The following PCBP2 variants were observed in gnomAD, a reference collection of about 807,000 sequenced individuals.
The protein encoded by PCBP2 is poly(rC)-binding protein 2.
In PCBP2, 4 loss-of-function variants were observed where a neutral mutation model predicts 50.1. That is an observed-to-expected ratio of 0.08 (90% CI 0.04 to 0.18). The LOEUF is 0.18. Ranked by LOEUF, PCBP2 falls within the 10% of genes least tolerant of loss-of-function variation. The pLI, the probability that PCBP2 is intolerant of heterozygous loss-of-function variation, is 1.00. For missense variants in PCBP2, 161 were observed against 474.3 expected (o/e 0.34, Z 6.14); for synonymous variants, 179 against 168.0 (o/e 1.07, Z -0.51).
chr12:53,477,162 C>G (rs1942643344), intron 14 of PCBP2, among the ~76,000 whole-genome samples: 1 of 152,152 alleles, frequency 6.6e-6, no homozygotes, highest in African/African-American at 2.4e-5. Flanking sequence ...GATACACATT[C>G]AGAACATTTC....
chr12:53,473,482 T>C (rs1942370615), intron 14 of PCBP2, among the ~76,000 whole-genome samples: 1 of 152,250 alleles, frequency 6.6e-6, no homozygotes, highest in Non-Finnish European at 1.5e-5. Flanking sequence ...TTTTGTTCTT[T>C]CGATAGGCTT....
chr12:53,471,271 C>G (rs1942213542), intron 13 of PCBP2, among the ~76,000 whole-genome samples: 1 of 151,450 alleles, frequency 6.6e-6, no homozygotes, highest in African/African-American at 2.4e-5. Flanking sequence ...ATAGCGAGAC[C>G]CTCGGTTTTT....
At chr12:53,478,041 C>A (rs917547520) in intron 14 of PCBP2, among the ~76,000 whole-genome samples, 1 of 152,126 alleles carries the variant, frequency 6.6e-6, no homozygotes, top group East Asian at 1.9e-4. Flanking sequence ...CCCTGAAAGC[C>A]CTAAATTGGA....
At position 53,471,733 on chromosome 12, in the gene PCBP2, A is replaced by T. The variant is rs762810406; in HGVS notation, c.978A>T (p.Gly326=). The change falls in exon 14 of 15, where the codon GGA becomes GGT. Residue 326 remains glycine (G), a synonymous_variant. Coordinates refer to ENST00000546463, the MANE Select transcript of PCBP2 (RefSeq NM_031989.5). ...TCAAAATTGCGAACCCAGTGGAAGG[A>T]TCTACTGATAGGCAGGTTACCATCA... ...AQIKIANPVE[G]STDRQVTITG... 6.2e-6 allele frequency: 10 copies of T among 1,613,590 alleles called. No homozygotes were observed. The highest frequency in any genetic ancestry group is 3.3e-5 in the Admixed American group (2 of 59,994).
chr12:53,468,604 T>C (rs1221429945), intron 12 of PCBP2, 173 bp from the exon 13 acceptor site: 20 of 610,108 alleles, frequency 3.3e-5, no homozygotes, highest in Non-Finnish European at 5.6e-5. Context: ...GAGCATTATT[T>C]CTACACCCTT....
chr12:53,459,066 C>A (rs1208261402), intron 5 of PCBP2, among the ~76,000 whole-genome samples: 1 of 151,982 alleles, frequency 6.6e-6, no homozygotes, highest in African/African-American at 2.4e-5. Context: ...ATATTTATGG[C>A]TAATTTTGAG....
Position 53,457,484 on chromosome 12 carries a change from C to A in PCBP2, c.243+1483C>A, listed in dbSNP as rs117222813. Among the ~76,000 whole-genome samples, 164 of 152,074 alleles carry A rather than the reference C, an allele frequency of 1.1e-3. 2 individuals are homozygous for A. The East Asian group carries it at 0.027, about 25-fold the overall frequency. The stretch of plus-strand genomic sequence containing the variant: ...CCTAAGCCTACCCAGTAGGTGGGAC[C>A]ACAGGCTTGAACCACCATGTCTGGC... On this transcript the variant is annotated intron_variant, in intron 5 of 14. Coordinates refer to ENST00000546463, the MANE Select transcript of PCBP2 (RefSeq NM_031989.5).
chr12:53,454,797 C>G lies in PCBP2; in HGVS notation c.-4C>G, dbSNP rs769275297. The stretch of plus-strand genomic sequence containing the variant: ...AAGTCCAGCTCCCCAGAACACTGCT[C>G]GACATGGACACCGGTGTGATTGAAG... On this transcript the variant is annotated 5_prime_UTR_variant, in exon 2 of 15. Transcript: ENST00000546463. 6.2e-7 allele frequency: 1 copy of G among 1,613,802 alleles called. No individual in the cohort carries two copies. Among genetic ancestry groups the G allele is most frequent in the Admixed American group, 1.7e-5 (1 of 60,014 alleles).
At chr12:53,467,993 G>A (rs1444469614) in intron 12 of PCBP2, 150 bp downstream of exon 12, 4 of 661,412 alleles carry the variant, frequency 6.0e-6, no homozygotes, top group Non-Finnish European at 1.1e-5. Context: ...TGGAGCCCCC[G>A]AGGGTCCCTT....
chr12:53,460,319 C>T (rs73103958), intron 6 of PCBP2: 233 of 324,802 alleles, frequency 7.2e-4, no homozygotes, highest in Non-Finnish European at 1.3e-3. Flanking sequence ...TTTCTTCTTT[C>T]TGTTGTTGTA....
chr12:53,452,298 C>T lies in PCBP2; in HGVS notation c.-154C>T, dbSNP rs1940585785. The T allele has an allele frequency of 7.2e-6, 1 of 138,516 alleles. No individual in the cohort carries two copies. The highest frequency in any genetic ancestry group is 7.2e-5 in the Admixed American group (1 of 13,934). The allele number at this position is 138,516 out of a possible 1,614,324, so 8.6% of individuals were successfully genotyped here. A position where few individuals can be genotyped will look rare whatever the true frequency, so the allele number is the denominator to read the frequency against. ...GCCCCCCTCGCCTTCCCGCCCGCCC[C>T]TATTGTTCCGCCCCCGGCCTCCCGC... is the stretch of plus-strand genomic sequence containing the variant. On this transcript the variant is annotated 5_prime_UTR_variant, in exon 1 of 15. Transcript: ENST00000546463.
chr12:53,481,043 G>T lies in PCBP2; in HGVS notation c.*1601G>T, dbSNP rs1943015236. ...AGTTTATCAGGTGAATTGGTCAGGG[G>T]ATCAGTCTCCCTCGAGCCTGACTTA... On this transcript the variant is annotated 3_prime_UTR_variant, in exon 15 of 15. Transcript: ENST00000546463. The T allele has an allele frequency of 4.0e-6, 1 of 247,638 alleles. No individual in the cohort carries two copies. Among genetic ancestry groups the T allele is most frequent in the Non-Finnish European group, 7.1e-6 (1 of 140,336 alleles). The allele number at this position is 247,638 out of a possible 1,614,324, so 15.3% of individuals were successfully genotyped here.
intron 6 of PCBP2, chr12:53,460,095 A>G (rs1350272570): frequency 8.6e-6 from 2 of 232,086 alleles, no homozygotes; most frequent in East Asian, 2.5e-4. Context: ...CTTATAAACA[A>G]CAAGGAGAAA....
At chr12:53,472,233 T>TTTC (rs1942294127) in intron 14 of PCBP2, among the ~76,000 whole-genome samples, 1 of 152,196 alleles carries the variant, frequency 6.6e-6, no homozygotes, top group African/African-American at 2.4e-5. Flanking sequence ...AGCAAGGCAG[T>TTTC]TTCTGGGAGG....
intron 7 of PCBP2, 55 bp downstream of exon 7, chr12:53,461,198 G>A: frequency 1.3e-6 from 2 of 1,588,736 alleles, no homozygotes; most frequent in East Asian, 2.3e-5. Flanking sequence ...GGGGACAGAG[G>A]GACTGATCTA....
chr12:53,458,360 C>T (rs1185840414), intron 5 of PCBP2, among the ~76,000 whole-genome samples: 2 of 152,028 alleles, frequency 1.3e-5, no homozygotes, highest in Admixed American at 6.6e-5. Context: ...GGCTGGAGTG[C>T]AGTGGTGCAA....
At position 53,479,482 on chromosome 12, in the gene PCBP2, C is replaced by G. The variant is rs1434906325; in HGVS notation, c.*40C>G. On this transcript the variant is annotated 3_prime_UTR_variant, in exon 15 of 15. Coordinates refer to ENST00000546463, the MANE Select transcript of PCBP2 (RefSeq NM_031989.5). ...ATCCATAATCCCTTTCTGCTGTTCA[C>G]CACCACCCATGATCCATCTGTGTAG... 1 of 1,565,980 alleles carries G rather than the reference C, an allele frequency of 6.4e-7. No individual in the cohort carries two copies. Among genetic ancestry groups the G allele is most frequent in the Non-Finnish European group, 8.8e-7 (1 of 1,137,620 alleles).
At chr12:53,457,362 T>C (rs1452331956) in intron 5 of PCBP2, among the ~76,000 whole-genome samples, 1 of 151,858 alleles carries the variant, frequency 6.6e-6, no homozygotes, top group Non-Finnish European at 1.5e-5. Flanking sequence ...TGGAATTTAT[T>C]TTTTTATTTT....
intron 10 of PCBP2, among the ~76,000 whole-genome samples, chr12:53,466,752 A>G (rs1014750374): frequency 6.6e-6 from 1 of 152,004 alleles, no homozygotes; most frequent in Non-Finnish European, 1.5e-5. Context: ...TAAACCCAGT[A>G]TGGTTTCTTC....
Sources: gnomAD v4.1 joint callset for allele counts (sites outside exome capture counted in the v4.1 genomes callset) on GRCh38, gnomAD v4.1.1 for gene constraint, MANE v1.5 for transcripts, NCBI Gene and HGNC (gene_info 2026-07-23, HGNC 2026-07-21) for gene names.